Variants in ZFYVE26 observed in about 807,000 individuals in gnomAD.
The protein encoded by ZFYVE26 is zinc finger FYVE-type containing 26, also known as zinc finger FYVE domain-containing protein 26.
ZFYVE26 carries 181 observed loss-of-function variants against 276.5 expected under a neutral mutation model. That is an observed-to-expected ratio of 0.65 (90% CI 0.58 to 0.74). The LOEUF (loss-of-function observed/expected upper bound fraction) is 0.74. Among genes scored for constraint, ZFYVE26 ranks in the 30% least tolerant of loss-of-function variants. ZFYVE26 has a pLI of 0.00. For missense variants in ZFYVE26, 2,821 were observed against 3,097.9 expected (o/e 0.91, Z 2.12); for synonymous variants, 1,129 against 1,203.1 (o/e 0.94, Z 1.27).
At chr14:67,816,252 A>C (rs2040407276) in intron 1 of ZFYVE26, among the ~76,000 whole-genome samples, 1 of 152,174 alleles carries the variant, frequency 6.6e-6, no homozygotes, top group South Asian at 2.1e-4. Flanking sequence ...TAATATTAAT[A>C]GTCATATTTG....
rs1165216283 is a variant in ZFYVE26 at position 67,807,821 on chromosome 14, A to G, written c.463T>C (p.Ser155Pro). 1 of 1,613,948 alleles carries G rather than the reference A, an allele frequency of 6.2e-7. No individual in the cohort carries two copies. The highest frequency in any genetic ancestry group is 8.5e-7 in the Non-Finnish European group (1 of 1,179,968). ...TGCCTCAGGAGATCCCAGAGCACAG[A>G]GACAGCTTCGGAGCTGAGACGAGGA... Reference protein sequence around the residue: ...WTPRLSSEAVSVLWDLLRQSP... With the variant: ...WTPRLSSEAVPVLWDLLRQSP... Residue 155 changes from serine to proline, a missense_variant, in exon 5 of 42, where the codon TCT becomes CCT. Physicochemically the swap from Ser to Pro is moderately conservative, Grantham distance 74. Coordinates refer to ENST00000347230, the MANE Select transcript of ZFYVE26 (RefSeq NM_015346.4).
chr14:67,782,500 T>C (rs2039527171), intron 21 of ZFYVE26, among the ~76,000 whole-genome samples: 1 of 152,134 alleles, frequency 6.6e-6, no homozygotes, highest in Non-Finnish European at 1.5e-5. Context: ...CAAACATTTG[T>C]AGTCTGTAGA....
intron 12 of ZFYVE26, among the ~76,000 whole-genome samples, chr14:67,794,850 C>A (rs1465148255): frequency 2.0e-5 from 3 of 152,102 alleles, no homozygotes; most frequent in Admixed American, 6.5e-5. Context: ...CAGGAGGTTG[C>A]GGCAGGAAGG....
chr14:67,792,580 T>G (rs1462352937), intron 14 of ZFYVE26, among the ~76,000 whole-genome samples: 3 of 152,220 alleles, frequency 2.0e-5, no homozygotes, highest in Non-Finnish European at 4.4e-5. Flanking sequence ...TCTAGTCTGC[T>G]AGCTCTCCAT....
At chr14:67,805,768 C>T in intron 6 of ZFYVE26, 150 bp from the exon 7 acceptor site, 2 of 932,600 alleles carry the variant, frequency 2.1e-6, no homozygotes, top group Non-Finnish European at 3.3e-6. Flanking sequence ...GTGGCTCATG[C>T]CTGTAATCCC....
chr14:67,789,719 G>T (rs2140232873), intron 15 of ZFYVE26, 121 bp from the exon 16 acceptor site: 8 of 1,283,812 alleles, frequency 6.2e-6, no homozygotes, highest in East Asian at 2.4e-5. Flanking sequence ...TATCTTTCAT[G>T]TATATTAGCA....
At chr14:67,794,121 A>G (rs775029430) in intron 13 of ZFYVE26, 50 bp downstream of exon 13, 5 of 1,579,860 alleles carry the variant, frequency 3.2e-6, no homozygotes, top group East Asian at 2.2e-5. Flanking sequence ...TGGCAACTCT[A>G]TATCAGGGCA....
intron 35 of ZFYVE26, among the ~76,000 whole-genome samples, chr14:67,760,295 A>G (rs1306214175): frequency 6.6e-6 from 1 of 152,202 alleles, no homozygotes; most frequent in African/African-American, 2.4e-5. Context: ...TATTCTTAAG[A>G]CCTGGTTAGT....
chr14:67,786,103 A>C lies in ZFYVE26; in HGVS notation c.3139+11T>G, dbSNP rs1423766667. ...AAGTCCAGGAGAAGAAAAGAGAAAA[A>C]AGCAACTCACCTGATTTGGTTTGAC... On this transcript the variant is annotated intron_variant, in intron 17 of 41. Coordinates refer to ENST00000347230, the MANE Select transcript of ZFYVE26 (RefSeq NM_015346.4). 6.2e-7 allele frequency: 1 copy of C among 1,614,014 alleles called. No homozygotes were observed. The highest frequency in any genetic ancestry group is 8.5e-7 in the Non-Finnish European group (1 of 1,180,016).
At chr14:67,784,233 A>G (rs2039588864) in intron 20 of ZFYVE26, 101 bp downstream of exon 20, 1 of 979,246 alleles carries the variant, frequency 1.0e-6, no homozygotes, top group African/African-American at 1.6e-5. Flanking sequence ...AGAAATCCCC[A>G]CTCTCTGTGC....
intron 34 of ZFYVE26, 23 bp from the exon 35 acceptor site, chr14:67,761,607 A>G (rs1207034216): frequency 6.2e-7 from 1 of 1,607,420 alleles, no homozygotes; most frequent in Non-Finnish European, 8.5e-7. Flanking sequence ...GGAGCGAGAG[A>G]GAAAAATGAA....
chr14:67,772,122 G>A lies in ZFYVE26; in HGVS notation c.5409C>T (p.Pro1803=), dbSNP rs745326956. The part of the protein sequence containing the change: ...PSQEFVPPAT[P]PARHQWVPDE... ...CCGGTACCCACTGGTGCCTGGCAGG[G>A]GGTGTCGCTGGGGGCACAAATTCCT... is the stretch of plus-strand genomic sequence containing the variant. Residue 1803 remains proline, a synonymous_variant, in exon 28 of 42, where the codon CCC becomes CCT. Transcript: ENST00000347230. 2.5e-6 allele frequency: 4 copies of A among 1,612,952 alleles called. No homozygotes were observed. The highest frequency in any genetic ancestry group is 2.5e-6 in the Non-Finnish European group (3 of 1,179,752).
At chr14:67,753,040 T>G (rs1262653275) in intron 39 of ZFYVE26, among the ~76,000 whole-genome samples, 1 of 152,170 alleles carries the variant, frequency 6.6e-6, no homozygotes, top group African/African-American at 2.4e-5. Context: ...AGGGTATCTG[T>G]GTGTGGTGAG....
At chr14:67,783,984 C>G (rs1253498679) in intron 20 of ZFYVE26, among the ~76,000 whole-genome samples, 1 of 152,164 alleles carries the variant, frequency 6.6e-6, no homozygotes, top group Non-Finnish European at 1.5e-5. Flanking sequence ...TGACAAACTG[C>G]CTTCCGACAG....
At position 67,815,851 on chromosome 14, in the gene ZFYVE26, T is replaced by G; in HGVS notation, c.113A>C (p.Gln38Pro). Residue 38 changes from glutamine to proline, a missense_variant, in exon 2 of 42, where the codon CAG (glutamine) becomes CCG (proline). Gln to Pro is a moderately conservative substitution (Grantham distance 76, BLOSUM62 -1). Transcript: ENST00000347230. The stretch of plus-strand genomic sequence containing the variant: ...GATATCCCCTTGTCCCTCCTGTAGC[T>G]GAGGTACACATGCCTGTGCCAGCTC... ...EWELAQACVP[Q>P]LQEGQGDIPK... 6.2e-7 allele frequency: 1 copy of G among 1,614,156 alleles called. No individual in the cohort carries two copies. Among genetic ancestry groups the G allele is most frequent in the Non-Finnish European group, 8.5e-7 (1 of 1,180,036 alleles).
chr14:67,767,651 C>T (rs2039092637), intron 31 of ZFYVE26, 53 bp downstream of exon 31: 1 of 1,612,828 alleles, frequency 6.2e-7, no homozygotes, highest in Non-Finnish European at 8.5e-7. Context: ...TCTTGTCATA[C>T]TGCTACACAT....
At chr14:67,768,002 G>A (rs1026767791) in intron 30 of ZFYVE26, among the ~76,000 whole-genome samples, 162 bp from the exon 31 acceptor site, 4 of 152,144 alleles carry the variant, frequency 2.6e-5, no homozygotes, top group Non-Finnish European at 4.4e-5. Context: ...ACCCCACTAA[G>A]CACCTCAAAC....
At chr14:67,730,369 G>C (rs1029654676) in intron 13 of ZFYVE26, among the ~76,000 whole-genome samples, 1 of 152,126 alleles carries the variant, frequency 6.6e-6, no homozygotes, top group African/African-American at 2.4e-5. Context: ...CACTGTAAGT[G>C]TACAGTGCAT....
chr14:67,799,387 T>C (rs1240805325), intron 10 of ZFYVE26: 12 of 1,611,878 alleles, frequency 7.4e-6, no homozygotes, highest in Non-Finnish European at 1.0e-5. Flanking sequence ...AAAAGATGAA[T>C]GCAAGGAAAA....
Sources: gnomAD v4.1 joint callset for allele counts (sites outside exome capture counted in the v4.1 genomes callset) on GRCh38, gnomAD v4.1.1 for gene constraint, MANE v1.5 for transcripts, NCBI Gene and HGNC (gene_info 2026-07-23, HGNC 2026-07-21) for gene names.